The following FAM13C variants were observed in gnomAD, a reference collection of about 807,000 sequenced individuals.
The protein encoded by FAM13C is family with sequence similarity 13 member C, also known as protein FAM13C.
In FAM13C, 37 loss-of-function variants were observed where a neutral mutation model predicts 73.2. That is an observed-to-expected ratio of 0.51 (90% CI 0.39 to 0.67). The LOEUF (loss-of-function observed/expected upper bound fraction) is 0.67. Ranked by LOEUF, FAM13C falls within the 30% of genes least tolerant of loss-of-function variation. FAM13C has a pLI of 0.00. For synonymous variants in FAM13C, 246 were observed against 260.9 expected (o/e 0.94, Z 0.55); for missense variants, 589 against 715.6 (o/e 0.82, Z 2.02).
At chr10:59,300,378 C>T (rs982706284) in intron 5 of FAM13C, among the ~76,000 whole-genome samples, 7 of 152,218 alleles carry the variant, frequency 4.6e-5, no homozygotes, top group South Asian at 2.1e-4. Flanking sequence ...GTTTTAGACT[C>T]GCAAGTTGGT....
intron 3 of FAM13C, among the ~76,000 whole-genome samples, chr10:59,340,379 A>T (rs1240388146): frequency 6.6e-6 from 1 of 151,714 alleles, no homozygotes; most frequent in African/African-American, 2.4e-5. Context: ...CTATCTCAGC[A>T]CAGAGTTGAG....
intron 4 of FAM13C, among the ~76,000 whole-genome samples, chr10:59,322,868 A>T (rs1697800478): frequency 6.6e-6 from 1 of 152,206 alleles, no homozygotes; most frequent in South Asian, 2.1e-4. Context: ...AGAAATTACA[A>T]GGCTGAATCC....
intron 6 of FAM13C, among the ~76,000 whole-genome samples, chr10:59,277,307 A>G (rs1477876051): frequency 6.6e-6 from 1 of 152,230 alleles, no homozygotes; most frequent in Non-Finnish European, 1.5e-5. Flanking sequence ...TCCCACAGGC[A>G]TAATTATTTC....
chr10:59,293,069 CTTTTTTTTTTTT>C (rs148715812), intron 5 of FAM13C, among the ~76,000 whole-genome samples: 10 of 109,536 alleles, frequency 9.1e-5, no homozygotes, highest in South Asian at 3.0e-4. Context: ...TTTTCTTTTT[CTTTTTTTTTTTT>C]TTTTTTTTTT....
chr10:59,332,654 T>C (rs1420342956), intron 3 of FAM13C, among the ~76,000 whole-genome samples: 2 of 152,252 alleles, frequency 1.3e-5, no homozygotes, highest in Non-Finnish European at 2.9e-5. Flanking sequence ...CTCTGTTCCT[T>C]ATGTTCTACT....
chr10:59,254,601 A>ATTTG (rs1285004189), intron 10 of FAM13C, among the ~76,000 whole-genome samples, 158 bp from the exon 11 acceptor site: 1 of 150,892 alleles, frequency 6.6e-6, no homozygotes, highest in African/African-American at 2.4e-5. Flanking sequence ...TTATTTATTT[A>ATTTG]TTTATTTATT....
At chr10:59,315,488 C>G (rs554008539) in intron 4 of FAM13C, among the ~76,000 whole-genome samples, 1 of 152,014 alleles carries the variant, frequency 6.6e-6, no homozygotes, top group East Asian at 1.9e-4. Flanking sequence ...TGGTATGTCC[C>G]CTAGGGGCCA....
At chr10:59,351,524 G>C (rs1319762055) in intron 3 of FAM13C, among the ~76,000 whole-genome samples, 1 of 152,058 alleles carries the variant, frequency 6.6e-6, no homozygotes, top group East Asian at 1.9e-4. Flanking sequence ...ATACATACTA[G>C]TATGTTTATT....
chr10:59,249,262 C>T (rs1049756327), intron 13 of FAM13C, among the ~76,000 whole-genome samples: 5 of 151,552 alleles, frequency 3.3e-5, no homozygotes, highest in Admixed American at 1.3e-4. Flanking sequence ...AACTTAGCCA[C>T]GCGTGGTGGC....
chr10:59,327,985 C>T (rs1447950952), intron 3 of FAM13C, among the ~76,000 whole-genome samples: 1 of 152,172 alleles, frequency 6.6e-6, no homozygotes, highest in Non-Finnish European at 1.5e-5. Context: ...GGTCTTTCTG[C>T]CACCTGGCCA....
At chr10:59,257,785 A>T (rs1428251634) in intron 10 of FAM13C, among the ~76,000 whole-genome samples, 1 of 152,210 alleles carries the variant, frequency 6.6e-6, no homozygotes, top group Non-Finnish European at 1.5e-5. Context: ...CCGGGAATTG[A>T]AGATTAATAT....
intron 3 of FAM13C, among the ~76,000 whole-genome samples, chr10:59,333,500 T>A (rs1852288488): frequency 6.6e-6 from 1 of 151,962 alleles, no homozygotes; most frequent in Non-Finnish European, 1.5e-5. Context: ...AAAAATTAAA[T>A]AAATAAAAAT....
At chr10:59,309,132 T>C (rs956526824) in intron 4 of FAM13C, among the ~76,000 whole-genome samples, 5 of 152,192 alleles carry the variant, frequency 3.3e-5, no homozygotes, top group African/African-American at 1.2e-4. Flanking sequence ...CGGACAGCTA[T>C]CTAACGCTTT....
chr10:59,311,758 G>A (rs1429018892), intron 4 of FAM13C, among the ~76,000 whole-genome samples: 1 of 152,114 alleles, frequency 6.6e-6, no homozygotes, highest in Non-Finnish European at 1.5e-5. Flanking sequence ...GTGAATAAAT[G>A]CTGCAGCCCT....
rs59965630 is a variant in FAM13C at position 59,319,072 on chromosome 10, A to AACACAC, written c.443+4910_443+4915dup. Among the ~76,000 whole-genome samples the AACACAC allele has an allele frequency of 6.9e-3, 928 of 134,646 alleles. 8 individuals are homozygous for AACACAC. Among genetic ancestry groups the AACACAC allele is most frequent in the Non-Finnish European group, 9.3e-3 (579 of 62,078 alleles). 88.3% of individuals were successfully genotyped at this position (134,646 alleles called of 152,430 possible). A position where few individuals can be genotyped will look rare whatever the true frequency, so the allele number is the denominator to read the frequency against. On this transcript the variant is annotated intron_variant, in intron 4 of 13. Transcript: ENST00000618804. ...TAAGTAAGAAACAATTAGCTATTCAAACACACACACACACACACACACACA... is the reference window on the plus strand; with the variant it reads ...TAAGTAAGAAACAATTAGCTATTCAAACACACACACACACACACACACACACACACA...
At chr10:59,250,635 C>T (rs1476967127) in intron 13 of FAM13C, among the ~76,000 whole-genome samples, 1 of 152,180 alleles carries the variant, frequency 6.6e-6, no homozygotes, top group Non-Finnish European at 1.5e-5. Context: ...GGACAACCCT[C>T]AACCTGCTGA....
intron 5 of FAM13C, among the ~76,000 whole-genome samples, chr10:59,288,707 A>G (rs569667790): frequency 1.3e-5 from 2 of 152,334 alleles, no homozygotes; most frequent in South Asian, 4.1e-4. Context: ...GGTCTGGAGA[A>G]ACAAGAAGAT....
intron 3 of FAM13C, among the ~76,000 whole-genome samples, chr10:59,345,744 AAGG>A (rs1191232638): frequency 6.6e-5 from 10 of 152,312 alleles, no homozygotes; most frequent in African/African-American, 2.2e-4. Context: ...TGGAAGAGTG[AAGG>A]AGAACTTGGA....
At chr10:59,317,117 C>T (rs887446842) in intron 4 of FAM13C, among the ~76,000 whole-genome samples, 2 of 119,274 alleles carry the variant, frequency 1.7e-5, no homozygotes, top group East Asian at 5.0e-4. Flanking sequence ...GTGTATGTCA[C>T]TATACATAAT....
Sources: allele counts gnomAD v4.1 joint callset (sites outside exome capture counted in the v4.1 genomes callset), GRCh38; gene constraint gnomAD v4.1.1; transcripts MANE v1.5; gene names NCBI Gene and HGNC (gene_info 2026-07-23, HGNC 2026-07-21).